PUS7: variants seen among roughly 807,000 people sequenced by gnomAD.
The protein encoded by PUS7 is pseudouridylate synthase 7 homolog.
Under a neutral mutation model 79.8 loss-of-function variants are expected in PUS7, and 48 were observed. That is an observed-to-expected ratio of 0.60 (90% CI 0.48 to 0.76). The LOEUF is 0.76. Among genes scored for constraint, PUS7 ranks in the 30% least tolerant of loss-of-function variants. The probability of loss-of-function intolerance (pLI) is 0.00; values close to 1 mark genes in which losing one functional copy is unlikely to be tolerated. For synonymous variants in PUS7, 286 were observed against 272.2 expected (o/e 1.05, Z -0.50); for missense variants, 729 against 797.6 (o/e 0.91, Z 1.04).
At chr7:105,497,867 T>C (rs537718932) in intron 5 of PUS7, among the ~76,000 whole-genome samples, 2 of 152,358 alleles carry the variant, frequency 1.3e-5, no homozygotes, top group South Asian at 2.1e-4. Flanking sequence ...AGGTTCCATA[T>C]ACTATTTCCT....
At chr7:105,497,583 C>T in intron 5 of PUS7, among the ~76,000 whole-genome samples, 1 of 152,114 alleles carries the variant, frequency 6.6e-6, no homozygotes, top group Middle Eastern at 3.2e-3. Flanking sequence ...TTTGAACAAG[C>T]CATCTGCATA....
At chr7:105,507,315 G>C (rs1055080872) in intron 2 of PUS7, among the ~76,000 whole-genome samples, 1 of 151,976 alleles carries the variant, frequency 6.6e-6, no homozygotes, top group Non-Finnish European at 1.5e-5. Flanking sequence ...CAAAGTGCTG[G>C]GATCACAGGC....
In PUS7 at chr7:105,508,112, T is replaced by C. The variant is rs1216791260; in HGVS notation, c.398+3A>G. ...AATAACTTTATTCATAAACTAAATGTACCTTTCTTTTAAGATTCCCGAGAA... is the reference window on the plus strand; with the variant it reads ...AATAACTTTATTCATAAACTAAATGCACCTTTCTTTTAAGATTCCCGAGAA... On this transcript the variant is annotated splice_donor_region_variant and intron_variant, in intron 2 of 15. Transcript: ENST00000469408. The C allele has an allele frequency of 3.1e-6, 5 of 1,607,488 alleles. 1 individual carries two copies. In the Admixed American group the frequency reaches 8.5e-5, roughly 27 times the overall value.
intron 9 of PUS7, among the ~76,000 whole-genome samples, chr7:105,474,621 A>T (rs1024675212): frequency 6.6e-6 from 1 of 151,562 alleles, no homozygotes; most frequent in African/African-American, 2.4e-5. Context: ...ACAAAAAAAA[A>T]AAAAAAAAAA....
intron 14 of PUS7, among the ~76,000 whole-genome samples, chr7:105,461,644 A>G (rs1357590498): frequency 6.6e-6 from 1 of 152,264 alleles, no homozygotes; most frequent in Non-Finnish European, 1.5e-5. Flanking sequence ...AAGCACTGAA[A>G]AAGTACAGTC....
At chr7:105,512,009 G>C (rs1347159755) in intron 1 of PUS7, among the ~76,000 whole-genome samples, 5 of 151,942 alleles carry the variant, frequency 3.3e-5, no homozygotes, top group African/African-American at 1.2e-4. Flanking sequence ...TCCAGGCATG[G>C]TGGCGGGCGC....
chr7:105,476,532 A>G (rs1824118885), intron 9 of PUS7, among the ~76,000 whole-genome samples: 1 of 151,868 alleles, frequency 6.6e-6, no homozygotes, highest in South Asian at 2.1e-4. Flanking sequence ...TAATTTTTGT[A>G]TTTTTAGTAG....
intron 10 of PUS7, among the ~76,000 whole-genome samples, chr7:105,471,331 T>C (rs1823865943): frequency 6.6e-6 from 1 of 152,238 alleles, no homozygotes; most frequent in South Asian, 2.1e-4. Flanking sequence ...TTCTTCACAC[T>C]GCAAATCCTC....
intron 9 of PUS7, among the ~76,000 whole-genome samples, chr7:105,479,722 G>T (rs1020944769): frequency 2.0e-5 from 3 of 151,902 alleles, no homozygotes; most frequent in African/African-American, 7.3e-5. Context: ...AGGGGCCCAG[G>T]CACAGTGGCT....
intron 9 of PUS7, among the ~76,000 whole-genome samples, chr7:105,478,335 T>C (rs1290019395): frequency 6.6e-6 from 1 of 152,204 alleles, no homozygotes; most frequent in South Asian, 2.1e-4. Context: ...GTCCTCAGTA[T>C]ATACCTAGAA....
chr7:105,513,566 T>A (rs953623434), intron 1 of PUS7, among the ~76,000 whole-genome samples: 29 of 152,132 alleles, frequency 1.9e-4, no homozygotes, highest in African/African-American at 6.5e-4. Context: ...ACGCCTGTAA[T>A]CCCAGCACTT....
At chr7:105,515,670 C>G (rs1219457795) in intron 1 of PUS7, among the ~76,000 whole-genome samples, 1 of 152,106 alleles carries the variant, frequency 6.6e-6, no homozygotes, top group Non-Finnish European at 1.5e-5. Context: ...TGCTGTCACC[C>G]AGGCTGGAGT....
intron 5 of PUS7, among the ~76,000 whole-genome samples, chr7:105,498,143 A>C (rs1225835231): frequency 6.6e-6 from 1 of 152,226 alleles, no homozygotes; most frequent in African/African-American, 2.4e-5. Context: ...CATGCATACA[A>C]TTATCTCCTT....
At chr7:105,467,358 CGGCT>C (rs1174172852) in intron 12 of PUS7, among the ~76,000 whole-genome samples, 1 of 149,526 alleles carries the variant, frequency 6.7e-6, no homozygotes, top group African/African-American at 2.5e-5. Flanking sequence ...GGTGTGATCT[CGGCT>C]CACTGCAAGC....
At chr7:105,513,970 T>G (rs545212787) in intron 1 of PUS7, among the ~76,000 whole-genome samples, 1 of 138,152 alleles carries the variant, frequency 7.2e-6, no homozygotes, top group Admixed American at 7.4e-5. Flanking sequence ...CCCAGCACTT[T>G]GGGAGGCCAA....
chr7:105,517,287 G>A (rs1324869455), intron 1 of PUS7, among the ~76,000 whole-genome samples: 1 of 152,086 alleles, frequency 6.6e-6, no homozygotes, highest in African/African-American at 2.4e-5. Flanking sequence ...CTCCCAAGTA[G>A]CTGAGAGTAC....
chr7:105,468,260 G>C, intron 12 of PUS7, 77 bp downstream of exon 12: 1 of 1,536,990 alleles, frequency 6.5e-7, no homozygotes, highest in Non-Finnish European at 8.8e-7. Flanking sequence ...TTAATAGCCA[G>C]GATGGATTTT....
chr7:105,500,236 G>C (rs1296351182), intron 5 of PUS7, among the ~76,000 whole-genome samples: 1 of 152,136 alleles, frequency 6.6e-6, no homozygotes, highest in Non-Finnish European at 1.5e-5. Context: ...AAATGGGGAA[G>C]GGTGGTTCAC....
chr7:105,501,091 A>C (rs1202805214), intron 5 of PUS7, among the ~76,000 whole-genome samples: 1 of 152,178 alleles, frequency 6.6e-6, no homozygotes, highest in Non-Finnish European at 1.5e-5. Context: ...TTATTTCCTC[A>C]GGCACAGCGA....
Sources: allele counts gnomAD v4.1 joint callset (sites outside exome capture counted in the v4.1 genomes callset), GRCh38; gene constraint gnomAD v4.1.1; transcripts MANE v1.5; gene names NCBI Gene and HGNC (gene_info 2026-07-23, HGNC 2026-07-21).